Variants in SUGCT observed in about 807,000 individuals in gnomAD.
SUGCT encodes the protein succinyl-CoA:glutarate-CoA transferase.
Under a neutral mutation model 55.0 loss-of-function variants are expected in SUGCT, and 41 were observed. That is an observed-to-expected ratio of 0.74 (90% confidence interval 0.58 to 0.97). The LOEUF is 0.97. SUGCT is among the 50% of genes least tolerant of loss of function. The pLI is 0.00. For missense variants in SUGCT, 568 were observed against 547.8 expected (o/e 1.04, Z -0.37); for synonymous variants, 187 against 200.4 (o/e 0.93, Z 0.56).
chr7:40,882,471 T>C, the SUGCT span, among the ~76,000 whole-genome samples: 2 of 152,170 alleles, frequency 1.3e-5, no homozygotes, highest in East Asian at 1.9e-4. Flanking sequence ...ATGTATCTTA[T>C]TGGTAGCACA....
intron 1 of SUGCT, among the ~76,000 whole-genome samples, chr7:40,158,317 C>A (rs1783995470): frequency 6.6e-6 from 1 of 152,108 alleles, no homozygotes; most frequent in Non-Finnish European, 1.5e-5. Context: ...CCAAGTGTAA[C>A]ACAGGTATTA....
At chr7:40,898,516 G>T in the SUGCT span, among the ~76,000 whole-genome samples, 5 of 138,296 alleles carry the variant, frequency 3.6e-5, no homozygotes, top group Non-Finnish European at 6.2e-5. Context: ...GAGGTCAGGA[G>T]ATCGAGACCA....
the SUGCT span, among the ~76,000 whole-genome samples, chr7:40,896,909 C>G: frequency 1.3e-5 from 2 of 152,028 alleles, no homozygotes; most frequent in African/African-American, 4.8e-5. Context: ...AAAGCAATCT[C>G]GAACAAAAAG....
At chr7:40,813,611 A>G (rs1269398251) in intron 13 of SUGCT, among the ~76,000 whole-genome samples, 2 of 152,132 alleles carry the variant, frequency 1.3e-5, no homozygotes, top group Non-Finnish European at 2.9e-5. Flanking sequence ...GGTGTGTAAG[A>G]TAGCCTTATG....
At chr7:40,362,662 A>T (rs182757250) in intron 9 of SUGCT, among the ~76,000 whole-genome samples, 1 of 152,210 alleles carries the variant, frequency 6.6e-6, no homozygotes, top group Admixed American at 6.5e-5. Flanking sequence ...AAGTGGAAGC[A>T]TAAGTTTGGA....
At chr7:40,871,176 C>T in the SUGCT span, among the ~76,000 whole-genome samples, 1 of 152,326 alleles carries the variant, frequency 6.6e-6, no homozygotes, top group Admixed American at 6.5e-5. Flanking sequence ...CATGCATACA[C>T]ACACACCCAG....
chr7:40,376,384 A>ATCTTTTTTTTT (rs958263962), intron 9 of SUGCT, among the ~76,000 whole-genome samples: 1 of 150,788 alleles, frequency 6.6e-6, no homozygotes, highest in Admixed American at 6.6e-5. Flanking sequence ...TATCTAATGT[A>ATCTTTTTTTTT]TCTTTTTTTT....
At chr7:40,510,749 C>T (rs899949825) in intron 12 of SUGCT, among the ~76,000 whole-genome samples, 1 of 151,712 alleles carries the variant, frequency 6.6e-6, no homozygotes, top group Non-Finnish European at 1.5e-5. Flanking sequence ...TGAGGTCGTA[C>T]AAAAATAAGT....
At chr7:40,290,822 A>C (rs1285172220) in intron 8 of SUGCT, among the ~76,000 whole-genome samples, 1 of 152,184 alleles carries the variant, frequency 6.6e-6, no homozygotes, top group African/African-American at 2.4e-5. Flanking sequence ...AAAAACAGAC[A>C]ATCCCATCAA....
chr7:40,865,271 G>A (rs79246526), downstream of SUGCT, among the ~76,000 whole-genome samples: 412 of 152,010 alleles, frequency 2.7e-3, 8 homozygotes, highest in East Asian at 0.033. Context: ...ACCTGTGTCC[G>A]ACCTTCAGAA....
At chr7:40,936,231 TA>T in the SUGCT span, among the ~76,000 whole-genome samples, 3 of 148,924 alleles carry the variant, frequency 2.0e-5, no homozygotes, top group Non-Finnish European at 3.0e-5. Context: ...GTGGGATGTT[TA>T]TTATTATTAT....
chr7:40,677,259 G>A (rs1003545377), intron 12 of SUGCT, among the ~76,000 whole-genome samples: 1 of 152,160 alleles, frequency 6.6e-6, no homozygotes, highest in Non-Finnish European at 1.5e-5. Flanking sequence ...GTTCTCTAAA[G>A]CACCCCTTCT....
intron 6 of SUGCT, among the ~76,000 whole-genome samples, chr7:40,210,659 G>A (rs1787285828): frequency 1.3e-5 from 2 of 152,140 alleles, no homozygotes; most frequent in Non-Finnish European, 1.5e-5. Flanking sequence ...GATAAGGAAG[G>A]GGAAGGGGTT....
chr7:40,456,014 T>C (rs1323623178), intron 10 of SUGCT, among the ~76,000 whole-genome samples: 3 of 152,066 alleles, frequency 2.0e-5, no homozygotes, highest in Admixed American at 6.5e-5. Flanking sequence ...ACTATATTTA[T>C]ATTTTATTTA....
intron 9 of SUGCT, among the ~76,000 whole-genome samples, chr7:40,406,116 T>C (rs1786356528): frequency 6.6e-6 from 1 of 151,994 alleles, no homozygotes; most frequent in Non-Finnish European, 1.5e-5. Flanking sequence ...GGGATGCTGA[T>C]TGGTTGAGTG....
At chr7:40,512,866 G>A (rs371951969) in intron 12 of SUGCT, among the ~76,000 whole-genome samples, 4 of 152,102 alleles carry the variant, frequency 2.6e-5, no homozygotes, top group African/African-American at 7.2e-5. Flanking sequence ...GTCAGTTTTG[G>A]AATGCCTGTA....
intron 12 of SUGCT, among the ~76,000 whole-genome samples, chr7:40,581,629 T>A (rs1387289375): frequency 6.6e-6 from 1 of 152,216 alleles, no homozygotes. Flanking sequence ...TAACACCTTA[T>A]CTTCCAAATG....
chr7:40,816,344 G>T (rs1447528492), intron 13 of SUGCT, among the ~76,000 whole-genome samples: 4 of 152,192 alleles, frequency 2.6e-5, no homozygotes, highest in Admixed American at 2.6e-4. Flanking sequence ...AAAATGTATT[G>T]AGCTTTTTGT....
chr7:40,244,909 A>G (rs1584441899), intron 7 of SUGCT, among the ~76,000 whole-genome samples: 1 of 152,106 alleles, frequency 6.6e-6, no homozygotes, highest in East Asian at 1.9e-4. Flanking sequence ...TGAGTGTCTA[A>G]CGGTCCACAA....
Sources: allele counts gnomAD v4.1 joint callset (sites outside exome capture counted in the v4.1 genomes callset), GRCh38; gene constraint gnomAD v4.1.1; transcripts MANE v1.5; gene names NCBI Gene and HGNC (gene_info 2026-07-23, HGNC 2026-07-21).